CARS1: variants seen among roughly 807,000 people sequenced by gnomAD.
The protein encoded by CARS1 is cysteinyl-tRNA synthetase 1.
Under a neutral mutation model 106.2 loss-of-function variants are expected in CARS1, and 48 were observed. The ratio of observed to expected loss-of-function variants is 0.45; its 90% CI spans 0.36 to 0.57. The LOEUF is 0.57. Ranked by LOEUF, CARS1 falls within the 20% of genes least tolerant of loss-of-function variation. The pLI is 0.00. For synonymous variants in CARS1, 409 were observed against 403.4 expected (o/e 1.01, Z -0.17); for missense variants, 968 against 1,057.2 (o/e 0.92, Z 1.17).
At position 3,017,620 on chromosome 11, in the gene CARS1, G is replaced by T; in HGVS notation, c.1727+237C>A. ...ATCACGCCACTGCACTCCAGCCTGGGCAACAAGGGCGAAACTCCGTCTCAA... is the reference window on the plus strand; with the variant it reads ...ATCACGCCACTGCACTCCAGCCTGGTCAACAAGGGCGAAACTCCGTCTCAA... On this transcript the variant is annotated intron_variant, in intron 15 of 22. Transcript: ENST00000380525. The surrounding 1 kb of genome is among the most constrained non-coding windows in gnomAD (Gnocchi z 4.9). 2 of 561,536 alleles carry T rather than the reference G, an allele frequency of 3.6e-6. No individual in the cohort carries two copies. Among genetic ancestry groups the T allele is most frequent in the Non-Finnish European group, 6.3e-6 (2 of 318,862 alleles). The allele number at this position is 561,536 out of a possible 1,614,324, so 34.8% of individuals were successfully genotyped here.
At position 3,020,537 on chromosome 11, in the gene CARS1, T is replaced by C. The variant is rs543201704; in HGVS notation, c.1154-205A>G. 1.3e-5 allele frequency among the ~76,000 whole-genome samples: 2 copies of C among 152,338 alleles called. No individual in the cohort carries two copies. The highest frequency in any genetic ancestry group is 4.8e-5 in the African/African-American group (2 of 41,582). On this transcript the variant is annotated intron_variant, in intron 10 of 22. Transcript: ENST00000380525. The surrounding 1 kb of genome is among the most constrained non-coding windows in gnomAD (Gnocchi z 4.6). Reference sequence around the variant, plus strand: ...GTGTCTAGATTTACAAAACGGTACATAATCCCCAAAGTCACCAGCTTATAT... The same window carrying C: ...GTGTCTAGATTTACAAAACGGTACACAATCCCCAAAGTCACCAGCTTATAT...
chr11:3,026,660 G>T lies in CARS1; in HGVS notation c.1153+16C>A, dbSNP rs377416181. 1 of 1,612,658 alleles carries T rather than the reference G, an allele frequency of 6.2e-7. No homozygotes were observed. Among genetic ancestry groups the T allele is most frequent in the Non-Finnish European group, 8.5e-7 (1 of 1,179,626 alleles). On this transcript the variant is annotated intron_variant, in intron 10 of 22. Coordinates refer to ENST00000380525, the MANE Select transcript of CARS1 (RefSeq NM_001014437.3). Reference sequence around the variant, plus strand: ...AGGAGGGAGAGCCCACATGCTCTCAGGCATGCCCTCCTCACCTTCCCCTTC... The same window carrying T: ...AGGAGGGAGAGCCCACATGCTCTCATGCATGCCCTCCTCACCTTCCCCTTC...
chr11:3,028,922 C>G lies in CARS1; in HGVS notation c.1031+74G>C, dbSNP rs2134193328. The G allele has an allele frequency of 2.9e-6, 3 of 1,033,720 alleles. No homozygotes were observed. Among genetic ancestry groups the G allele is most frequent in the Non-Finnish European group, 4.5e-6 (3 of 661,090 alleles). The allele number at this position is 1,033,720 out of a possible 1,614,324, so 64.0% of individuals were successfully genotyped here. ...TGCTCCTCTGCTTCCCAAACTCAGG[C>G]TCAGAGCTGGGGAGCTCCTCCCTGT... On this transcript the variant is annotated intron_variant, in intron 9 of 22. Transcript: ENST00000380525. The surrounding 1 kb of genome is among the most constrained non-coding windows in gnomAD (Gnocchi z 4.4).
chr11:3,017,070 A>C lies in CARS1; in HGVS notation c.1917+36T>G, dbSNP rs777353721. The C allele has an allele frequency of 2.5e-6, 4 of 1,575,492 alleles. No homozygotes were observed. In the South Asian group the frequency reaches 3.4e-5, roughly 13 times the overall value. Reference sequence around the variant, plus strand: ...TGGGGCCTGGCTCCTGTGTCCACACAGGCTGAGGGATACGCCTGCCTGGGG... The same window carrying C: ...TGGGGCCTGGCTCCTGTGTCCACACCGGCTGAGGGATACGCCTGCCTGGGG... On this transcript the variant is annotated intron_variant, in intron 16 of 22. Transcript: ENST00000380525. The surrounding 1 kb of genome is among the most constrained non-coding windows in gnomAD (Gnocchi z 4.9).
intron 7 of CARS1, among the ~76,000 whole-genome samples, chr11:3,036,153 G>A (rs934078015): frequency 6.6e-6 from 1 of 152,246 alleles, no homozygotes; most frequent in Non-Finnish European, 1.5e-5. Context: ...GGGAGGCAGG[G>A]AGGAAGCTTC....
In CARS1 at chr11:3,055,071, T is replaced by C. The variant is rs187126126; in HGVS notation, c.25+2272A>G. ...ACCCAGTGAGATCAGGAAAGAGAAA[T>C]AGACCTTCTGAGTCAACTTAGGGAA... On this transcript the variant is annotated intron_variant, in intron 1 of 22. Transcript: ENST00000380525. The C allele has an allele frequency of 1.5e-3, 1,007 of 655,264 alleles. 2 individuals carry two copies. The highest frequency in any genetic ancestry group is 2.0e-3 in the Non-Finnish European group (725 of 366,394). 40.6% of individuals were successfully genotyped at this position (655,264 alleles called of 1,614,324 possible).
chr11:3,038,255 T>TTA lies in CARS1; in HGVS notation c.652-57_652-56insTA. The TTA allele has an allele frequency of 6.6e-7, 1 of 1,504,416 alleles. No individual in the cohort carries two copies. The highest frequency in any genetic ancestry group is 9.2e-7 in the Non-Finnish European group (1 of 1,085,688). 93.2% of individuals were successfully genotyped at this position (1,504,416 alleles called of 1,614,324 possible). A position where few individuals can be genotyped will look rare whatever the true frequency, so the allele number is the denominator to read the frequency against. On this transcript the variant is annotated intron_variant, in intron 6 of 22. Coordinates refer to ENST00000380525, the MANE Select transcript of CARS1 (RefSeq NM_001014437.3). This position sits in a 1 kb window ranked among gnomAD's most constrained non-coding sequence, Gnocchi z 4.0. ...AGATACTGCTCAGCAAAACCTAAAT[T>TTA]CATAAAGGTGATTCCAGGTAGAAAA... is the stretch of plus-strand genomic sequence containing the variant.
Position 3,046,922 on chromosome 11 carries a change from G to A in CARS1, c.274+831C>T, listed in dbSNP as rs767495552. 6.6e-6 allele frequency among the ~76,000 whole-genome samples: 1 copy of A among 152,152 alleles called. No individual in the cohort carries two copies. Among genetic ancestry groups the A allele is most frequent in the Non-Finnish European group, 1.5e-5 (1 of 68,024 alleles). ...CCACAGACACAACCAGCACCAACAG[G>A]CTGGAGCTACGGGACAGACATCATC... On this transcript the variant is annotated intron_variant, in intron 2 of 22. Transcript: ENST00000380525. This position sits in a 1 kb window ranked among gnomAD's most constrained non-coding sequence, Gnocchi z 5.8.
At chr11:3,025,937 A>T (rs1323336284) in intron 10 of CARS1, among the ~76,000 whole-genome samples, 1 of 152,218 alleles carries the variant, frequency 6.6e-6, no homozygotes, top group Non-Finnish European at 1.5e-5. Flanking sequence ...CTGTGAATCC[A>T]GGCCCCAGGG....
rs1392380718 is a variant in CARS1, at chr11:3,039,743, C to T, written c.552+92G>A. On this transcript the variant is annotated intron_variant, in intron 5 of 22. Coordinates refer to ENST00000380525, the MANE Select transcript of CARS1 (RefSeq NM_001014437.3). This position sits in a 1 kb window ranked among gnomAD's most constrained non-coding sequence, Gnocchi z 5.6. ...TTTATCAGGTGAAAACACAAGCTAGCTCAAGCCTACATTATTTACTTATGC... is the reference window on the plus strand; with the variant it reads ...TTTATCAGGTGAAAACACAAGCTAGTTCAAGCCTACATTATTTACTTATGC... 7.9e-6 allele frequency: 5 copies of T among 636,630 alleles called. No homozygotes were observed. The highest frequency in any genetic ancestry group is 1.3e-5 in the Non-Finnish European group (5 of 371,570). 39.4% of individuals were successfully genotyped at this position (636,630 alleles called of 1,614,324 possible). A position where few individuals can be genotyped will look rare whatever the true frequency, so the allele number is the denominator to read the frequency against.
rs764533092 is a variant in CARS1 at position 3,017,922 on chromosome 11, G to T, written c.1662C>A (p.Arg554=). Residue 554 remains arginine (R), a synonymous_variant, in exon 15 of 23, where the codon CGC becomes CGA. Transcript: ENST00000380525. This position sits in a 1 kb window ranked among gnomAD's most constrained non-coding sequence, Gnocchi z 4.9. The part of the protein sequence containing the change: ...EFFLNVKDIL[R]APVDITGQFE... ...ACTGACCAGTGATGTCAACAGGAGCGCGAAGGATATCTTTCACATTTAAGA... is the reference window on the plus strand; with the variant it reads ...ACTGACCAGTGATGTCAACAGGAGCTCGAAGGATATCTTTCACATTTAAGA... 1.9e-6 allele frequency: 3 copies of T among 1,613,622 alleles called. No individual in the cohort carries two copies. Among genetic ancestry groups the T allele is most frequent in the South Asian group, 2.2e-5 (2 of 91,012 alleles).
At chr11:3,005,464 T>A (rs768893039) in intron 19 of CARS1, 31 bp from the exon 20 acceptor site, 2 of 1,567,646 alleles carry the variant, frequency 1.3e-6, no homozygotes, top group African/African-American at 1.3e-5. Context: ...GAGAAGAGTC[T>A]GGGCTCTGTG....
In CARS1 at chr11:3,048,091, C is replaced by G. The variant is rs757878749; in HGVS notation, c.26-90G>C. On this transcript the variant is annotated intron_variant, in intron 1 of 22. Transcript: ENST00000380525. The surrounding 1 kb of genome is among the most constrained non-coding windows in gnomAD (Gnocchi z 5.1). The stretch of plus-strand genomic sequence containing the variant: ...ACAGGGACTAGGGGATGGCACAGAA[C>G]CAAGGAAAAAGGTGTTCAAGCCCTT... The G allele has an allele frequency of 1.1e-5, 17 of 1,499,222 alleles. No individual in the cohort carries two copies. Among genetic ancestry groups the G allele is most frequent in the Non-Finnish European group, 1.4e-5 (16 of 1,113,868 alleles). The allele number at this position is 1,499,222 out of a possible 1,614,324, so 92.9% of individuals were successfully genotyped here.
intron 1 of CARS1, among the ~76,000 whole-genome samples, chr11:3,056,604 C>T (rs960398313): frequency 7.9e-5 from 12 of 152,186 alleles, no homozygotes; most frequent in Non-Finnish European, 1.5e-4. Flanking sequence ...TGAAAGCCTT[C>T]GTAAAGCCCC....
In CARS1 at chr11:3,048,271, C is replaced by T. The variant is rs1439884677; in HGVS notation, c.26-270G>A. The T allele has an allele frequency of 1.2e-5, 5 of 408,670 alleles. No homozygotes were observed. The highest frequency in any genetic ancestry group is 2.2e-5 in the Non-Finnish European group (5 of 225,890). The allele number at this position is 408,670 out of a possible 1,614,324, so 25.3% of individuals were successfully genotyped here. On this transcript the variant is annotated intron_variant, in intron 1 of 22. Transcript: ENST00000380525. The surrounding 1 kb of genome is among the most constrained non-coding windows in gnomAD (Gnocchi z 5.1). The stretch of plus-strand genomic sequence containing the variant: ...AGAAATGAAGGCTGCATGACAACAT[C>T]ATGCGCCAAATACCACAGAATTGTG...
intron 14 of CARS1, 72 bp downstream of exon 14, chr11:3,018,336 A>G: frequency 1.0e-6 from 1 of 971,728 alleles, no homozygotes; most frequent in Non-Finnish European, 1.6e-6. Flanking sequence ...TGCACCTATC[A>G]CCACTGCACA....
At chr11:3,011,908 C>T (rs1269801432) in intron 18 of CARS1, among the ~76,000 whole-genome samples, 1 of 152,242 alleles carries the variant, frequency 6.6e-6, no homozygotes, top group African/African-American at 2.4e-5. Context: ...GGCAAATCAA[C>T]CCTGGCCCAT....
intron 10 of CARS1, among the ~76,000 whole-genome samples, chr11:3,023,713 T>C (rs1851785614): frequency 6.6e-6 from 1 of 152,130 alleles, no homozygotes; most frequent in Non-Finnish European, 1.5e-5. Context: ...TTCAATCTTC[T>C]ACTTTTATTA....
At chr11:3,032,281 C>T (rs575806181) in intron 7 of CARS1, among the ~76,000 whole-genome samples, 27 of 152,088 alleles carry the variant, frequency 1.8e-4, no homozygotes, top group Admixed American at 3.3e-4. Context: ...CCATGTTGGC[C>T]GGGATGGTCT....
Sources: gnomAD v4.1 joint callset for allele counts (sites outside exome capture counted in the v4.1 genomes callset) on GRCh38, gnomAD v4.1.1 for gene constraint, Gnocchi (gnomAD v3.1) non-coding constraint, MANE v1.5 for transcripts, NCBI Gene and HGNC (gene_info 2026-07-23, HGNC 2026-07-21) for gene names.